The following CCDC6 variants were observed in gnomAD, a reference collection of about 807,000 sequenced individuals.
CCDC6 encodes the protein coiled-coil domain containing 6.
A neutral mutation model predicts 56.6 loss-of-function variants in CCDC6; 20 were observed. That is an observed-to-expected ratio of 0.35 (90% CI 0.25 to 0.51). CCDC6 has a LOEUF of 0.51. Ranked by LOEUF, CCDC6 falls within the 20% of genes least tolerant of loss-of-function variation. The probability of loss-of-function intolerance (pLI) is 0.95; values close to 1 mark genes in which losing one functional copy is unlikely to be tolerated. For missense variants in CCDC6, 367 were observed against 601.1 expected (o/e 0.61, Z 4.07); for synonymous variants, 241 against 234.4 (o/e 1.03, Z -0.26).
rs78615209 is a variant in CCDC6, at chr10:59,852,956, C to A, written c.304-254G>T. 2.3e-3 allele frequency among the ~76,000 whole-genome samples: 352 copies of A among 152,246 alleles called. 2 individuals are homozygous for A. Among genetic ancestry groups the A allele is most frequent in the African/African-American group, 7.9e-3 (330 of 41,542 alleles). ...GGTCCTTATTCTTAAAGTGATATTTCAAAGAAATTAGCCAAGATCACATTG... is the reference window on the plus strand; with the variant it reads ...GGTCCTTATTCTTAAAGTGATATTTAAAAGAAATTAGCCAAGATCACATTG... On this transcript the variant is annotated intron_variant, in intron 1 of 8. Coordinates refer to ENST00000263102, the MANE Select transcript of CCDC6 (RefSeq NM_005436.5).
chr10:59,846,216 C>T (rs761294629), intron 2 of CCDC6, among the ~76,000 whole-genome samples: 5 of 152,272 alleles, frequency 3.3e-5, no homozygotes, highest in Middle Eastern at 3.4e-3. Flanking sequence ...AACCACTTCT[C>T]CAGAATTGAC....
chr10:59,854,711 A>T (rs1005565544), intron 1 of CCDC6, among the ~76,000 whole-genome samples: 1 of 152,182 alleles, frequency 6.6e-6, no homozygotes, highest in African/African-American at 2.4e-5. Context: ...CGAACTCTCA[A>T]ACTTCAGGAT....
At position 59,817,035 on chromosome 10, in the gene CCDC6, C is replaced by T. The variant is rs529468143; in HGVS notation, c.583-2280G>A. ...TGCCGCAAAGTTGGGACCCCACTAA[C>T]GTGCAAATGCTCCTCAGAATGTTAA... On this transcript the variant is annotated intron_variant, in intron 3 of 8. Coordinates refer to ENST00000263102, the MANE Select transcript of CCDC6 (RefSeq NM_005436.5). Among the ~76,000 whole-genome samples the T allele has an allele frequency of 7.9e-5, 12 of 152,322 alleles. No homozygotes were observed. In the South Asian group the frequency reaches 2.1e-3, roughly 26 times the overall value.
chr10:59,830,755 T>C (rs1045091630), intron 3 of CCDC6, among the ~76,000 whole-genome samples: 12 of 152,196 alleles, frequency 7.9e-5, no homozygotes, highest in African/African-American at 1.7e-4. Flanking sequence ...GCAGGACTTT[T>C]TCCCAGGAAC....
At chr10:59,893,654 ACATACAT>A (rs2071441267) in intron 1 of CCDC6, among the ~76,000 whole-genome samples, 5 of 135,708 alleles carry the variant, frequency 3.7e-5, no homozygotes, top group Non-Finnish European at 8.3e-5. Context: ...ATACATACAT[ACATACAT>A]ACATACAATG....
At chr10:59,821,022 T>A (rs534331688) in intron 3 of CCDC6, among the ~76,000 whole-genome samples, 1 of 152,228 alleles carries the variant, frequency 6.6e-6, no homozygotes, top group Admixed American at 6.5e-5. Context: ...TACTATGTGA[T>A]TTCATAGATG....
At position 59,791,360 on chromosome 10, in the gene CCDC6, C is replaced by CTT. The variant is rs34992845; in HGVS notation, c.*1555_*1556dup. The CTT allele has an allele frequency of 1.0e-5, 2 of 191,692 alleles. No homozygotes were observed. Among genetic ancestry groups the CTT allele is most frequent in the East Asian group, 8.5e-5 (1 of 11,802 alleles). 11.9% of individuals were successfully genotyped at this position (191,692 alleles called of 1,614,324 possible). A position where few individuals can be genotyped will look rare whatever the true frequency, so the allele number is the denominator to read the frequency against. ...AGTCAAACACTATTATCCAACAAGACTTTTTTTTTTCATTCTGTTAACTCT... is the reference window on the plus strand; with the variant it reads ...AGTCAAACACTATTATCCAACAAGACTTTTTTTTTTTTCATTCTGTTAACTCT... On this transcript the variant is annotated 3_prime_UTR_variant, in exon 9 of 9. Transcript: ENST00000263102.
At chr10:59,842,435 T>C (rs550449833) in intron 2 of CCDC6, among the ~76,000 whole-genome samples, 1 of 152,360 alleles carries the variant, frequency 6.6e-6, no homozygotes, top group Admixed American at 6.5e-5. Context: ...TATCAAATCC[T>C]TTCTCTCCAT....
Position 59,862,387 on chromosome 10 carries a change from T to C in CCDC6, c.304-9685A>G, listed in dbSNP as rs190427864. The stretch of plus-strand genomic sequence containing the variant: ...CCTGTAGTCTCAGCTACTCAGGAGG[T>C]TGAGGCATAAGAATCGCTTGAACCC... On this transcript the variant is annotated intron_variant, in intron 1 of 8. Coordinates refer to ENST00000263102, the MANE Select transcript of CCDC6 (RefSeq NM_005436.5). Among the ~76,000 whole-genome samples, 1,038 of 150,084 alleles carry C rather than the reference T, an allele frequency of 6.9e-3. 18 individuals carry two copies. The highest frequency in any genetic ancestry group is 0.024 in the African/African-American group (986 of 40,638).
intron 1 of CCDC6, among the ~76,000 whole-genome samples, chr10:59,892,192 C>G (rs558440348): frequency 2.0e-4 from 31 of 152,354 alleles, no homozygotes; most frequent in African/African-American, 7.2e-4. Context: ...TCAAAAGTCT[C>G]TATCAGAGAG....
chr10:59,906,433 C>A lies in CCDC6; in HGVS notation c.-9G>T, dbSNP rs1392023218. The A allele has an allele frequency of 1.3e-6, 2 of 1,506,136 alleles. No individual in the cohort carries two copies. Among genetic ancestry groups the A allele is most frequent in the Non-Finnish European group, 1.7e-6 (2 of 1,143,596 alleles). The allele number at this position is 1,506,136 out of a possible 1,614,324, so 93.3% of individuals were successfully genotyped here. ...CTGGCGCTGTCCGCCATGGCCGCGG[C>A]GGGCTGGGGAAAGGAGGAGGAGCAG... is the stretch of plus-strand genomic sequence containing the variant. On this transcript the variant is annotated 5_prime_UTR_variant, in exon 1 of 9. Coordinates refer to ENST00000263102, the MANE Select transcript of CCDC6 (RefSeq NM_005436.5).
intron 3 of CCDC6, among the ~76,000 whole-genome samples, chr10:59,820,005 GTTC>G (rs2070738043): frequency 1.3e-5 from 2 of 152,182 alleles, no homozygotes; most frequent in African/African-American, 4.8e-5. Flanking sequence ...CAGACCAGGA[GTTC>G]TTATTATGTT....
chr10:59,792,583 C>T lies in CCDC6; in HGVS notation c.*334G>A. ...AAGATATCCCTTTTTCTTTTACAAACCTAAAAGCCAGGAGAATGAAGCTCT... is the reference window on the plus strand; with the variant it reads ...AAGATATCCCTTTTTCTTTTACAAATCTAAAAGCCAGGAGAATGAAGCTCT... On this transcript the variant is annotated 3_prime_UTR_variant, in exon 9 of 9. Coordinates refer to ENST00000263102, the MANE Select transcript of CCDC6 (RefSeq NM_005436.5). The T allele has an allele frequency of 1.6e-6, 1 of 635,812 alleles. No individual in the cohort carries two copies. Among genetic ancestry groups the T allele is most frequent in the Non-Finnish European group, 3.0e-6 (1 of 337,600 alleles). 39.4% of individuals were successfully genotyped at this position (635,812 alleles called of 1,614,324 possible).
At chr10:59,820,127 TC>T (rs1564741589) in intron 3 of CCDC6, among the ~76,000 whole-genome samples, 1 of 152,210 alleles carries the variant, frequency 6.6e-6, no homozygotes, top group Non-Finnish European at 1.5e-5. Flanking sequence ...AGTAGACAGA[TC>T]CTGACCAAAG....
At chr10:59,870,171 A>G (rs747612273) in intron 1 of CCDC6, among the ~76,000 whole-genome samples, 1 of 152,184 alleles carries the variant, frequency 6.6e-6, no homozygotes, top group African/African-American at 2.4e-5. Flanking sequence ...AGAACCTACA[A>G]TTGTGCCTGG....
rs372369142 is a variant in CCDC6 at position 59,852,535 on chromosome 10, G to A, written c.453+18C>T. 134 of 1,557,668 alleles carry A rather than the reference G, an allele frequency of 8.6e-5. No individual in the cohort carries two copies. The highest frequency in any genetic ancestry group is 1.1e-4 in the Non-Finnish European group (125 of 1,157,842). ...GAAAATAGGCAGGGAAGATGAGGGA[G>A]TAGAAAAGATAATTTACCTGCATCA... is the stretch of plus-strand genomic sequence containing the variant. On this transcript the variant is annotated intron_variant, in intron 2 of 8. Transcript: ENST00000263102.
At chr10:59,896,279 G>T (rs2071462713) in intron 1 of CCDC6, among the ~76,000 whole-genome samples, 1 of 152,188 alleles carries the variant, frequency 6.6e-6, no homozygotes, top group Non-Finnish European at 1.5e-5. Context: ...CATGATCTGT[G>T]AAGTGTTGGG....
chr10:59,892,771 A>C (rs1171811), intron 1 of CCDC6, among the ~76,000 whole-genome samples: 135,779 of 152,130 alleles, frequency 0.89, 61,606 homozygotes, highest in Middle Eastern at 0.97. Context: ...AGTCTCTCAT[A>C]AGGTAAGTAA....
intron 2 of CCDC6, among the ~76,000 whole-genome samples, chr10:59,844,762 A>AGAGAG (rs35098590): frequency 2.3e-3 from 311 of 133,992 alleles, no homozygotes; most frequent in Middle Eastern, 7.4e-3. Context: ...AAAAAAAAAA[A>AGAGAG]AGAGAGAGAG....
Sources: allele counts gnomAD v4.1 joint callset (sites outside exome capture counted in the v4.1 genomes callset), GRCh38; gene constraint gnomAD v4.1.1; transcripts MANE v1.5; gene names NCBI Gene and HGNC (gene_info 2026-07-23, HGNC 2026-07-21).